SUCLG2: variants seen among roughly 807,000 people sequenced by gnomAD.
SUCLG2 encodes the protein succinate--CoA ligase [GDP-forming] subunit beta, mitochondrial.
A neutral mutation model predicts 47.9 loss-of-function variants in SUCLG2; 42 were observed. That is an observed-to-expected ratio of 0.88 (90% confidence interval 0.69 to 1.14). SUCLG2 has a LOEUF of 1.14. Among genes scored for constraint, SUCLG2 ranks in the 50% most tolerant of loss-of-function variants. The probability of loss-of-function intolerance (pLI) is 0.00; values close to 1 mark genes in which losing one functional copy is unlikely to be tolerated. For synonymous variants in SUCLG2, 195 were observed against 197.3 expected, an observed-to-expected ratio of 0.99 and a Z score of 0.10; for missense variants, 571 against 525.9, an observed-to-expected ratio of 1.09 and a Z score of -0.84.
At chr3:67,491,100 C>T (rs1220380273) in intron 9 of SUCLG2, among the ~76,000 whole-genome samples, 2 of 151,876 alleles carry the variant, frequency 1.3e-5, no homozygotes, top group Non-Finnish European at 2.9e-5. Context: ...GGCGGGAGGA[C>T]CCCTTGAGAT....
intron 2 of SUCLG2, among the ~76,000 whole-genome samples, chr3:67,592,725 A>AC (rs1350231837): frequency 8.2e-6 from 1 of 121,364 alleles, no homozygotes; most frequent in Non-Finnish European, 1.8e-5. Flanking sequence ...CTCCAAAAAA[A>AC]AAAAAAAAAA....
At chr3:67,564,734 T>C (rs1177337023) in intron 2 of SUCLG2, among the ~76,000 whole-genome samples, 1 of 152,202 alleles carries the variant, frequency 6.6e-6, no homozygotes, top group African/African-American at 2.4e-5. Context: ...GAGCTATCTA[T>C]TGTTAGTGTG....
At chr3:67,472,006 A>C (rs1704618116) in intron 9 of SUCLG2, among the ~76,000 whole-genome samples, 1 of 152,232 alleles carries the variant, frequency 6.6e-6, no homozygotes, top group Non-Finnish European at 1.5e-5. Context: ...TTTTAAGACA[A>C]TTATTTTCAT....
chr3:67,557,480 A>C (rs923190403), intron 2 of SUCLG2, among the ~76,000 whole-genome samples: 1 of 152,208 alleles, frequency 6.6e-6, no homozygotes, highest in African/African-American at 2.4e-5. Context: ...AACAAATTTC[A>C]TAAAAAGCAC....
intron 9 of SUCLG2, among the ~76,000 whole-genome samples, chr3:67,458,582 C>A (rs2106952365): frequency 6.6e-6 from 1 of 152,260 alleles, no homozygotes; most frequent in South Asian, 2.1e-4. Flanking sequence ...CTCTGAAATT[C>A]CATGACTCTA....
chr3:67,529,215 C>G, intron 2 of SUCLG2, 29 bp from the exon 3 acceptor site: 1 of 1,564,010 alleles, frequency 6.4e-7, no homozygotes, highest in Non-Finnish European at 8.7e-7. Context: ...GAGTTGGTAG[C>G]TGATTTTAAA....
intron 2 of SUCLG2, among the ~76,000 whole-genome samples, chr3:67,586,154 CA>C (rs1255498159): frequency 6.6e-6 from 1 of 152,012 alleles, no homozygotes. Context: ...CCAAAAGAAA[CA>C]ATTACTTCTA....
chr3:67,481,858 C>T (rs1704927354), intron 9 of SUCLG2, among the ~76,000 whole-genome samples: 3 of 152,196 alleles, frequency 2.0e-5, no homozygotes, highest in Admixed American at 6.5e-5. Context: ...CGATTAGCTC[C>T]TAACTTGACA....
At chr3:67,615,018 C>T (rs775562462) in intron 1 of SUCLG2, among the ~76,000 whole-genome samples, 10 of 152,036 alleles carry the variant, frequency 6.6e-5, no homozygotes, top group African/African-American at 1.7e-4. Flanking sequence ...TTCCTTCCTG[C>T]GTTTCTTTGA....
intron 9 of SUCLG2, among the ~76,000 whole-genome samples, chr3:67,466,251 G>T (rs1014321557): frequency 5.9e-5 from 9 of 152,188 alleles, no homozygotes; most frequent in Non-Finnish European, 1.0e-4. Flanking sequence ...TACTCAGGAG[G>T]CTGAGGCAAG....
chr3:67,400,579 G>T, intron 10 of SUCLG2, 152 bp downstream of exon 10: 3 of 1,050,904 alleles, frequency 2.9e-6, no homozygotes, highest in Non-Finnish European at 4.0e-6. Flanking sequence ...TTTGCTAGAG[G>T]CCCAGGGAAG....
intron 10 of SUCLG2, among the ~76,000 whole-genome samples, chr3:67,393,028 T>C (rs866338991): frequency 1.8e-4 from 27 of 151,222 alleles, no homozygotes; most frequent in Non-Finnish European, 2.4e-4. Context: ...AAAAAAAAAA[T>C]TGGGGAAGGC....
chr3:67,371,738 A>G (rs117443457), downstream of SUCLG2, among the ~76,000 whole-genome samples: 2 of 152,192 alleles, frequency 1.3e-5, no homozygotes, highest in African/African-American at 4.8e-5. Flanking sequence ...TCAAATGATC[A>G]TAAGTGGCAT....
rs1241566253 is a variant in SUCLG2, at chr3:67,446,370, A to AG, written c.1063-45520_1063-45519insC. ...ATTTGTATATAAAAAAAAAAAAAAAAAAAAAGAAATTAGATCTCTCCGGTA... is the reference window on the plus strand; with the variant it reads ...ATTTGTATATAAAAAAAAAAAAAAAAGAAAAAGAAATTAGATCTCTCCGGTA... On this transcript the variant is annotated intron_variant, in intron 9 of 10. Transcript: ENST00000307227. Among the ~76,000 whole-genome samples, 492 of 146,702 alleles carry AG rather than the reference A, an allele frequency of 3.4e-3. 142 individuals carry two copies. The highest frequency in any genetic ancestry group is 0.012 in the African/African-American group (458 of 39,578).
intron 1 of SUCLG2, among the ~76,000 whole-genome samples, chr3:67,637,411 G>A (rs1701028253): frequency 6.6e-6 from 1 of 152,050 alleles, no homozygotes; most frequent in African/African-American, 2.4e-5. Context: ...AGTCCTCAAC[G>A]GTGGATTTTA....
chr3:67,504,417 T>C (rs1705583462), intron 7 of SUCLG2, among the ~76,000 whole-genome samples: 5 of 152,234 alleles, frequency 3.3e-5, no homozygotes, highest in Admixed American at 3.3e-4. Flanking sequence ...AGGAATTTGA[T>C]GTGCCAGTTA....
chr3:67,557,823 G>T (rs1220288776), intron 2 of SUCLG2, among the ~76,000 whole-genome samples: 4 of 152,166 alleles, frequency 2.6e-5, no homozygotes, highest in Non-Finnish European at 5.9e-5. Context: ...GGGTTTTGAT[G>T]CACAGGCAAG....
chr3:67,565,700 C>T (rs1188345474), intron 2 of SUCLG2, among the ~76,000 whole-genome samples: 1 of 152,194 alleles, frequency 6.6e-6, no homozygotes, highest in African/African-American at 2.4e-5. Flanking sequence ...ATTTGTCATC[C>T]TCCATAACCT....
chr3:67,382,681 G>A (rs1051907566), intron 10 of SUCLG2, among the ~76,000 whole-genome samples: 6 of 152,122 alleles, frequency 3.9e-5, no homozygotes, highest in African/African-American at 7.2e-5. Context: ...TAACTTTTTC[G>A]TGGAACATAG....
Sources: allele counts gnomAD v4.1 joint callset (sites outside exome capture counted in the v4.1 genomes callset), GRCh38; gene constraint gnomAD v4.1.1; transcripts MANE v1.5; gene names NCBI Gene and HGNC (gene_info 2026-07-23, HGNC 2026-07-21).